FOCAD: variants seen among roughly 807,000 people sequenced by gnomAD.
FOCAD encodes focadhesin.
Under a neutral mutation model 225.6 loss-of-function variants are expected in FOCAD, and 198 were observed. That is an observed-to-expected ratio of 0.88 (90% confidence interval 0.78 to 0.99). The LOEUF is 0.99. FOCAD is among the 50% of genes least tolerant of loss of function. The pLI is 0.00. For synonymous variants in FOCAD, 897 were observed against 755.0 expected (o/e 1.19, Z -3.08); for missense variants, 2,713 against 2,123.6 (o/e 1.28, Z -5.46).
At chr9:20,840,699 A>G (rs959524731) in intron 15 of FOCAD, among the ~76,000 whole-genome samples, 5 of 151,766 alleles carry the variant, frequency 3.3e-5, no homozygotes, top group South Asian at 2.1e-4. Flanking sequence ...GACTTCTTCA[A>G]TTTGGATGCC....
intron 4 of FOCAD, among the ~76,000 whole-genome samples, chr9:20,728,952 C>A (rs1462827925): frequency 6.6e-6 from 1 of 152,192 alleles, no homozygotes; most frequent in Non-Finnish European, 1.5e-5. Flanking sequence ...TGCAGACTTT[C>A]TCTGCCTCCT....
intron 15 of FOCAD, among the ~76,000 whole-genome samples, chr9:20,826,631 T>C (rs1160947061): frequency 6.6e-6 from 1 of 152,102 alleles, no homozygotes; most frequent in East Asian, 1.9e-4. Context: ...AGAACCCTAA[T>C]TAATATAAGT....
rs143101454 is a variant in FOCAD at position 20,723,357 on chromosome 9, T to C, written c.287+2823T>C. 5.9e-4 allele frequency among the ~76,000 whole-genome samples: 90 copies of C among 152,216 alleles called. No homozygotes were observed. The East Asian group carries it at 0.017, about 29-fold the overall frequency. On this transcript the variant is annotated intron_variant, in intron 4 of 43. Transcript: ENST00000338382. ...ACAAAAATTAGCCGGGCGTGGTGAC[T>C]TATGCCTGTAATCCCAGCTACTCGG... is the stretch of plus-strand genomic sequence containing the variant.
intron 30 of FOCAD, among the ~76,000 whole-genome samples, chr9:20,947,372 A>G (rs1228424969): frequency 6.6e-6 from 1 of 152,216 alleles, no homozygotes; most frequent in Non-Finnish European, 1.5e-5. Flanking sequence ...TGAAGGCATT[A>G]TGCTAAATGA....
intron 35 of FOCAD, among the ~76,000 whole-genome samples, chr9:20,969,726 A>G (rs968758485): frequency 4.8e-5 from 7 of 146,580 alleles, no homozygotes; most frequent in Non-Finnish European, 1.0e-4. Flanking sequence ...ATATATATAG[A>G]TATATAACAA....
At chr9:20,986,634 C>G (rs1300666550) in intron 40 of FOCAD, among the ~76,000 whole-genome samples, 169 bp downstream of exon 40, 2 of 152,124 alleles carry the variant, frequency 1.3e-5, no homozygotes, top group Non-Finnish European at 2.9e-5. Context: ...ACAGTTATAG[C>G]TCACAACATC....
intron 35 of FOCAD, among the ~76,000 whole-genome samples, chr9:20,968,643 T>C (rs1839489580): frequency 6.6e-6 from 1 of 151,980 alleles, no homozygotes; most frequent in Admixed American, 6.6e-5. Flanking sequence ...GGTTTGACCA[T>C]GCTGTCTAGG....
chr9:20,818,783 A>G (rs543143029), intron 11 of FOCAD, among the ~76,000 whole-genome samples: 1 of 152,144 alleles, frequency 6.6e-6, no homozygotes, highest in East Asian at 1.9e-4. Flanking sequence ...TTTGTGGTAA[A>G]TTTGGAAGTG....
At chr9:20,785,362 A>G (rs1819807526) in intron 10 of FOCAD, among the ~76,000 whole-genome samples, 1 of 152,066 alleles carries the variant, frequency 6.6e-6, no homozygotes, top group African/African-American at 2.4e-5. Context: ...TTATTACCCT[A>G]AACAATCCCT....
intron 27 of FOCAD, among the ~76,000 whole-genome samples, chr9:20,931,719 G>T (rs890133444): frequency 2.0e-5 from 3 of 152,048 alleles, no homozygotes; most frequent in Admixed American, 6.6e-5. Flanking sequence ...GGCCAAGGCG[G>T]GCAGATCATG....
rs145079440 is a variant in FOCAD, at chr9:20,821,048, A to T, written c.1770A>T (p.Ser590=). Residue 590 remains serine, a synonymous_variant, in exon 14 of 44, where the codon TCA becomes TCT. Coordinates refer to ENST00000338382, the MANE Select transcript of FOCAD (RefSeq NM_001375567.1). ...QWEKLIAKAA[S]IRDICKQRPY... ...AGAAACTGATTGCAAAAGCAGCATC[A>T]ATCAGAGATATATGTAAGCAGAGGT... 26 of 1,612,576 alleles carry T rather than the reference A, an allele frequency of 1.6e-5. No homozygotes were observed. The highest frequency in any genetic ancestry group is 2.7e-5 in the African/African-American group (2 of 74,844).
intron 36 of FOCAD, among the ~76,000 whole-genome samples, chr9:20,977,685 C>T (rs1840338975): frequency 6.6e-6 from 1 of 152,132 alleles, no homozygotes; most frequent in African/African-American, 2.4e-5. Context: ...TGTGTGGTTT[C>T]AGAGATAAAG....
chr9:20,789,436 C>T lies in FOCAD; in HGVS notation c.1283C>T (p.Ser428Leu), dbSNP rs749477031. ...AWRILEVMTD[S>L]SAASDWLASV... ...AGGATTCTTGAAGTAATGACAGACT[C>T]GTCTGCTGCAAGTGACTGGTTGGCT... The change falls in exon 11 of 44, where the codon TCG becomes TTG. Residue 428 changes from serine (S) to leucine (L), a missense_variant. By Grantham distance (145) the Ser-to-Leu change is moderately radical (BLOSUM62 -2). Coordinates refer to ENST00000338382, the MANE Select transcript of FOCAD (RefSeq NM_001375567.1). 66 of 1,613,860 alleles carry T rather than the reference C, an allele frequency of 4.1e-5. No individual in the cohort carries two copies. Among genetic ancestry groups the T allele is most frequent in the African/African-American group, 9.3e-5 (7 of 74,880 alleles).
At chr9:20,686,999 T>G (rs867521811) in intron 1 of FOCAD, among the ~76,000 whole-genome samples, 24 of 152,050 alleles carry the variant, frequency 1.6e-4, no homozygotes, top group African/African-American at 5.1e-4. Context: ...CCTCATAGTT[T>G]TTTTTTTTTT....
chr9:20,697,572 A>G (rs1823478229), intron 1 of FOCAD, among the ~76,000 whole-genome samples: 1 of 152,252 alleles, frequency 6.6e-6, no homozygotes, highest in African/African-American at 2.4e-5. Flanking sequence ...TTTGGACTGC[A>G]CATTACTTCC....
At chr9:20,775,273 C>T (rs10448161) in intron 8 of FOCAD, among the ~76,000 whole-genome samples, 92,678 of 151,922 alleles carry the variant, frequency 0.61, 28,419 homozygotes, top group Admixed American at 0.69. Flanking sequence ...TCAAGCAAAA[C>T]AGATGTACCC....
At chr9:20,793,452 T>C (rs1215675780) in intron 11 of FOCAD, among the ~76,000 whole-genome samples, 2 of 152,194 alleles carry the variant, frequency 1.3e-5, no homozygotes, top group African/African-American at 4.8e-5. Context: ...TTTCTTGGCA[T>C]TCCTGGGCGT....
chr9:20,673,501 T>A (rs1415850032), intron 2 of FOCAD, among the ~76,000 whole-genome samples: 1 of 152,138 alleles, frequency 6.6e-6, no homozygotes, highest in African/African-American at 2.4e-5. Context: ...CTCCTGGGGG[T>A]TATGATATTG....
chr9:20,960,739 C>G (rs1208660046), intron 35 of FOCAD, among the ~76,000 whole-genome samples: 1 of 149,470 alleles, frequency 6.7e-6, no homozygotes, highest in African/African-American at 2.5e-5. Context: ...CCCCCCTCCC[C>G]CAACCCCACA....
Sources: allele counts gnomAD v4.1 joint callset (sites outside exome capture counted in the v4.1 genomes callset), GRCh38; gene constraint gnomAD v4.1.1; transcripts MANE v1.5; gene names NCBI Gene and HGNC (gene_info 2026-07-23, HGNC 2026-07-21).